MIA2: variants seen among roughly 807,000 people sequenced by gnomAD.
MIA2 encodes melanoma inhibitory activity protein 2.
Under a neutral mutation model 167.8 loss-of-function variants are expected in MIA2, and 127 were observed. The ratio of observed to expected loss-of-function variants is 0.76; its 90% CI spans 0.66 to 0.88. The LOEUF is 0.88. Ranked by LOEUF, MIA2 falls within the 40% of genes least tolerant of loss-of-function variation. MIA2 has a pLI of 0.00. For synonymous variants in MIA2, 552 were observed against 541.9 expected, an observed-to-expected ratio of 1.02 and a Z score of -0.26; for missense variants, 1,690 against 1,624.7, an observed-to-expected ratio of 1.04 and a Z score of -0.69.
At chr14:39,297,997 T>G (rs1185415929) in intron 13 of MIA2, among the ~76,000 whole-genome samples, 2 of 152,122 alleles carry the variant, frequency 1.3e-5, no homozygotes, top group Admixed American at 6.5e-5. Flanking sequence ...TTTCTACTTC[T>G]ACAATTATTT....
rs1368855816 is a variant in MIA2 at position 39,248,997 on chromosome 14, C to T, written c.1567+856C>T. ...CAAGCGATCTGCCCCACTCAGCCGC[C>T]CAAACTGCTAGGATTACAGGTGTGA... is the stretch of plus-strand genomic sequence containing the variant. On this transcript the variant is annotated intron_variant, in intron 4 of 28. Transcript: ENST00000640607. Among the ~76,000 whole-genome samples the T allele has an allele frequency of 5.3e-5, 8 of 152,226 alleles. No individual in the cohort carries two copies. In the East Asian group the frequency reaches 7.7e-4, roughly 15 times the overall value.
At chr14:39,382,042 T>G (rs2075175797) in intron 23 of MIA2, among the ~76,000 whole-genome samples, 1 of 152,128 alleles carries the variant, frequency 6.6e-6, no homozygotes, top group Non-Finnish European at 1.5e-5. Context: ...TCTAGTGTCC[T>G]AGAAGCAGGA....
In MIA2 at chr14:39,348,890, C is replaced by A. The variant is rs140966971; in HGVS notation, c.3985C>A (p.Pro1329Thr). ...PFLRRGPPFP[P>T]PPPGAMFGAS... ...CTTGAGAAGAGGACCTCCTTTCCCC[C>A]CACCTCCTCCAGGAGCCATGTTTGG... Residue 1329 changes from proline to threonine, a missense_variant, in exon 28 of 29, where the codon CCA becomes ACA. By Grantham distance (38) the Pro-to-Thr change is conservative. Coordinates refer to ENST00000640607, the MANE Select transcript of MIA2 (RefSeq NM_001329214.4). The A allele has an allele frequency of 4.2e-5, 67 of 1,614,120 alleles. No individual in the cohort carries two copies. The highest frequency in any genetic ancestry group is 2.0e-4 in the East Asian group (9 of 44,890).
chr14:39,260,970 T>C (rs1159541601), intron 6 of MIA2, among the ~76,000 whole-genome samples: 1 of 152,062 alleles, frequency 6.6e-6, no homozygotes, highest in Non-Finnish European at 1.5e-5. Context: ...AGGGGATCCT[T>C]TCCCCGTTTC....
At chr14:39,280,731 C>G (rs879645934) in intron 9 of MIA2, among the ~76,000 whole-genome samples, 1 of 149,620 alleles carries the variant, frequency 6.7e-6, no homozygotes, top group Admixed American at 6.6e-5. Flanking sequence ...GACTCCTTCT[C>G]AAAACAAACA....
In MIA2 at chr14:39,240,605, T is replaced by G. The variant is rs752044189; in HGVS notation, c.294T>G (p.Ile98Met). ...ATTTTCCCAGAGATGCAGTCCAGAT[T>G]GAAGAGGTGTTCATATCTGAGGAAA... ...FGYFPRDAVQ[I>M]EEVFISEEIQ... Residue 98 changes from isoleucine to methionine, a missense_variant, in exon 3 of 29, where the codon ATT (isoleucine) becomes ATG (methionine). Physicochemically the swap from Ile to Met is conservative, Grantham distance 10 (BLOSUM62 1). Coordinates refer to ENST00000640607, the MANE Select transcript of MIA2 (RefSeq NM_001329214.4). 4.3e-6 allele frequency: 7 copies of G among 1,613,414 alleles called. No individual in the cohort carries two copies. In the South Asian group the frequency reaches 7.7e-5, roughly 18 times the overall value.
chr14:39,288,475 A>ATATATTTT (rs1294270700), intron 9 of MIA2, among the ~76,000 whole-genome samples: 2 of 50,518 alleles, frequency 4.0e-5, no homozygotes, highest in Non-Finnish European at 6.1e-5. Flanking sequence ...ATATATATAT[A>ATATATTTT]TTTTTTTTTT....
At chr14:39,357,197 G>A (rs533601592) in intron 23 of MIA2, among the ~76,000 whole-genome samples, 2 of 152,166 alleles carry the variant, frequency 1.3e-5, no homozygotes, top group African/African-American at 2.4e-5. Context: ...TAGTCCCTTT[G>A]TAGGTCTCTA....
At chr14:39,316,798 G>C (rs1013784728) in intron 21 of MIA2, among the ~76,000 whole-genome samples, 1 of 151,590 alleles carries the variant, frequency 6.6e-6, no homozygotes, top group Non-Finnish European at 1.5e-5. Context: ...ACTCTTTGAA[G>C]ATGGAGAGGT....
chr14:39,267,299 C>T (rs936638427), intron 6 of MIA2: 10 of 1,471,124 alleles, frequency 6.8e-6, no homozygotes, highest in Non-Finnish European at 9.0e-6. Context: ...CTGCGGGTGC[C>T]CCTGTCCCCC....
intron 13 of MIA2, among the ~76,000 whole-genome samples, chr14:39,295,639 G>A (rs1205473048): frequency 4.0e-5 from 6 of 151,662 alleles, no homozygotes; most frequent in East Asian, 1.9e-4. Context: ...GGCTCACTGC[G>A]ACCTCTGCCT....
chr14:39,335,944 T>C (rs1016954321), intron 25 of MIA2, among the ~76,000 whole-genome samples: 30 of 152,246 alleles, frequency 2.0e-4, no homozygotes, highest in African/African-American at 5.3e-4. Context: ...TTTTATTCTT[T>C]CTTATGGCTG....
chr14:39,348,124 T>C (rs1311156412), intron 27 of MIA2, among the ~76,000 whole-genome samples: 2 of 152,216 alleles, frequency 1.3e-5, no homozygotes, highest in Non-Finnish European at 2.9e-5. Context: ...TGAGCCACTG[T>C]GCCTGGCCTG....
chr14:39,351,083 T>A (rs1397156317), downstream of MIA2: 1 of 152,158 alleles, frequency 6.6e-6, no homozygotes, highest in African/African-American at 2.4e-5. Context: ...ACTCAATATC[T>A]TTAGTGTTTC....
intron 3 of MIA2, among the ~76,000 whole-genome samples, chr14:39,243,122 C>CAAAAA (rs112534680): frequency 7.8e-6 from 1 of 127,446 alleles, no homozygotes. Context: ...AACTTTGTCT[C>CAAAAA]AAAAAAAAAA....
At chr14:39,383,343 T>C (rs188506642) in intron 23 of MIA2, among the ~76,000 whole-genome samples, 96 of 152,374 alleles carry the variant, frequency 6.3e-4, no homozygotes, top group African/African-American at 2.1e-3. Flanking sequence ...TGATCAGTCA[T>C]CTTTGATGCT....
At chr14:39,301,003 T>C (rs1267757784) in intron 14 of MIA2, among the ~76,000 whole-genome samples, 2 of 144,868 alleles carry the variant, frequency 1.4e-5, no homozygotes, top group African/African-American at 2.7e-5. Flanking sequence ...CATATATACA[T>C]ATATACACAT....
At chr14:39,268,355 A>G (rs2152688098) in intron 6 of MIA2, among the ~76,000 whole-genome samples, 1 of 152,260 alleles carries the variant, frequency 6.6e-6, no homozygotes, top group East Asian at 1.9e-4. Flanking sequence ...ACGCATATAT[A>G]TGTATTTAAT....
intron 23 of MIA2, among the ~76,000 whole-genome samples, chr14:39,363,164 T>C (rs565695889): frequency 1.3e-5 from 2 of 152,348 alleles, no homozygotes; most frequent in South Asian, 4.1e-4. Flanking sequence ...GAAGAATGTA[T>C]ATTCTACAGC....
Sources: allele counts gnomAD v4.1 joint callset (sites outside exome capture counted in the v4.1 genomes callset), GRCh38; gene constraint gnomAD v4.1.1; transcripts MANE v1.5; gene names NCBI Gene and HGNC (gene_info 2026-07-23, HGNC 2026-07-21).